The following LRP12 variants were observed in gnomAD, a reference collection of about 807,000 sequenced individuals.
LRP12 encodes LDL receptor related protein 12, also known as low-density lipoprotein receptor-related protein 12.
A neutral mutation model predicts 66.0 loss-of-function variants in LRP12; 14 were observed. The ratio of observed to expected loss-of-function variants is 0.21; its 90% confidence interval spans 0.14 to 0.33. The LOEUF is 0.33. LRP12 is among the 10% of genes least tolerant of loss of function. The pLI is 1.00. For synonymous variants in LRP12, 357 were observed against 359.1 expected, an observed-to-expected ratio of 0.99 and a Z score of 0.07; for missense variants, 889 against 1,053.4, an observed-to-expected ratio of 0.84 and a Z score of 2.16.
chr8:104,536,865 T>C (rs1811399116), intron 1 of LRP12, among the ~76,000 whole-genome samples: 1 of 151,968 alleles, frequency 6.6e-6, no homozygotes, highest in African/African-American at 2.4e-5. Context: ...GGTAGTAGGA[T>C]ATAAAATAAG....
chr8:104,534,436 A>G (rs1036436330), intron 1 of LRP12, among the ~76,000 whole-genome samples: 17 of 152,046 alleles, frequency 1.1e-4, no homozygotes, highest in African/African-American at 4.1e-4. Flanking sequence ...ACAGGCACAG[A>G]TTTCTTTAAA....
Position 104,542,273 on chromosome 8 carries a change from C to T in LRP12, c.80-10310G>A, listed in dbSNP as rs555176606. 3.9e-5 allele frequency among the ~76,000 whole-genome samples: 6 copies of T among 152,280 alleles called. No individual in the cohort carries two copies. The South Asian group carries it at 1.2e-3, about 32-fold the overall frequency. On this transcript the variant is annotated intron_variant, in intron 1 of 6. Transcript: ENST00000276654. The stretch of plus-strand genomic sequence containing the variant: ...AATGTGGCTCTTTTCATGTGCTTAA[C>T]AGCCACTTATGCTATTCTTTGGAGA...
In LRP12 at chr8:104,588,906, C is replaced by G. The variant is rs377067346; in HGVS notation, c.-9G>C. ...CTCCAGCGACAGGCCATAACCACAGCAGATGGAGAGAGAGAGGAGGAGACG... is the reference window on the plus strand; with the variant it reads ...CTCCAGCGACAGGCCATAACCACAGGAGATGGAGAGAGAGAGGAGGAGACG... On this transcript the variant is annotated 5_prime_UTR_variant, in exon 1 of 7. Transcript: ENST00000276654. The G allele has an allele frequency of 1.9e-5, 30 of 1,601,808 alleles. No homozygotes were observed. In the African/African-American group the frequency reaches 3.2e-4, roughly 17 times the overall value.
rs1246325751 is a variant in LRP12 at position 104,588,846 on chromosome 8, G to A, written c.52C>T (p.Leu18Phe). 6.2e-7 allele frequency: 1 copy of A among 1,612,628 alleles called. No individual in the cohort carries two copies. Among genetic ancestry groups the A allele is most frequent in the South Asian group, 1.1e-5 (1 of 90,688 alleles). The change falls in exon 1 of 7, where the codon CTC (leucine) becomes TTC (phenylalanine). Residue 18 changes from leucine (L) to phenylalanine (F), a missense_variant. Physicochemically the swap from Leu to Phe is conservative, Grantham distance 22. Transcript: ENST00000276654. ...TACACCCCAGCGAGGAAAAGCAAGA[G>A]CAACGCAGACCTCCACCGCGGAGAC... Reference protein sequence around the residue: ...KESPRWRSALLLLFLAGVYGN... With the variant: ...KESPRWRSALFLLFLAGVYGN...
rs183148996 is a variant in LRP12, at chr8:104,575,882, C to T, written c.79+12937G>A. Among the ~76,000 whole-genome samples, 399 of 152,162 alleles carry T rather than the reference C, an allele frequency of 2.6e-3. 3 individuals are homozygous for T. The highest frequency in any genetic ancestry group is 9.2e-3 in the African/African-American group (380 of 41,510). ...AAAGAAGCTAAAAATCATGATAAAA[C>T]AACGCTGGAACTGACAGACAACAGC... is the stretch of plus-strand genomic sequence containing the variant. On this transcript the variant is annotated intron_variant, in intron 1 of 6. Transcript: ENST00000276654.
intron 3 of LRP12, chr8:104,504,945 C>T (rs1334020595): frequency 6.6e-6 from 1 of 152,188 alleles, no homozygotes; most frequent in Non-Finnish European, 1.5e-5. Flanking sequence ...AGCTCAATTA[C>T]AATGGATGTT....
rs1812385068 is a variant in LRP12, at chr8:104,588,961, A to ATGACGC, written c.-65_-64insGCGTCA. The stretch of plus-strand genomic sequence containing the variant: ...AGGAGGGAGGAGAAGCTGGAGGTAG[A>ATGACGC]CGACGCCGACGCCGCCGCCGCCGCC... On this transcript the variant is annotated 5_prime_UTR_variant, in exon 1 of 7. Transcript: ENST00000276654. 2 of 972,294 alleles carry ATGACGC rather than the reference A, an allele frequency of 2.1e-6. No individual in the cohort carries two copies. Among genetic ancestry groups the ATGACGC allele is most frequent in the Non-Finnish European group, 2.8e-6 (2 of 705,126 alleles). The allele number at this position is 972,294 out of a possible 1,614,324, so 60.2% of individuals were successfully genotyped here. A position where few individuals can be genotyped will look rare whatever the true frequency, so the allele number is the denominator to read the frequency against.
Position 104,491,264 on chromosome 8 carries a change from A to G in LRP12, c.1989T>C (p.Asp663=). ...CAACCCCACCAGATGCTCCTGCCAT[A>G]TCTCTTCTCTCATTTTCTGTGTCTG... ...DDTDTENERR[D]MAGASGGVAA... is the part of the protein sequence containing the mutation. The change falls in exon 7 of 7, where the codon GAT becomes GAC. Residue 663 remains aspartate, a synonymous_variant. Transcript: ENST00000276654. 1 of 1,614,088 alleles carries G rather than the reference A, an allele frequency of 6.2e-7. No individual in the cohort carries two copies. Among genetic ancestry groups the G allele is most frequent in the Non-Finnish European group, 8.5e-7 (1 of 1,180,026 alleles).
intron 1 of LRP12, among the ~76,000 whole-genome samples, chr8:104,547,509 T>C (rs1351687208): frequency 1.6e-5 from 2 of 124,448 alleles, no homozygotes; most frequent in Non-Finnish European, 3.1e-5. Context: ...TTATATTTTG[T>C]ATATAATATA....
chr8:104,576,449 C>T (rs1457803560), intron 1 of LRP12, among the ~76,000 whole-genome samples: 3 of 152,156 alleles, frequency 2.0e-5, no homozygotes, highest in Admixed American at 2.0e-4. Context: ...CCAGAAGAGA[C>T]TGGGGGCCAA....
intron 1 of LRP12, among the ~76,000 whole-genome samples, chr8:104,559,865 G>C (rs1437414751): frequency 1.3e-5 from 2 of 151,862 alleles, no homozygotes; most frequent in African/African-American, 4.8e-5. Flanking sequence ...TGAAAAAAAA[G>C]AAAAAATATT....
At chr8:104,518,026 A>G (rs1481661677) in intron 2 of LRP12, among the ~76,000 whole-genome samples, 2 of 152,160 alleles carry the variant, frequency 1.3e-5, no homozygotes, top group Non-Finnish European at 2.9e-5. Context: ...TTAGCATAAA[A>G]ATCAGGTACC....
In LRP12 at chr8:104,588,900, C is replaced by G. The variant is rs1267403557; in HGVS notation, c.-3G>C. 6.2e-7 allele frequency: 1 copy of G among 1,606,480 alleles called. No individual in the cohort carries two copies. The highest frequency in any genetic ancestry group is 1.7e-5 in the Admixed American group (1 of 58,784). On this transcript the variant is annotated 5_prime_UTR_variant, in exon 1 of 7. Transcript: ENST00000276654. ...TTTGTGCTCCAGCGACAGGCCATAA[C>G]CACAGCAGATGGAGAGAGAGAGGAG...
chr8:104,533,793 G>A (rs559136070), intron 1 of LRP12, among the ~76,000 whole-genome samples: 21 of 151,970 alleles, frequency 1.4e-4, no homozygotes, highest in Non-Finnish European at 2.4e-4. Context: ...TGGGACTACA[G>A]GAGTGTACTA....
chr8:104,574,851 A>G (rs926059196), intron 1 of LRP12, among the ~76,000 whole-genome samples: 6 of 152,198 alleles, frequency 3.9e-5, no homozygotes, highest in African/African-American at 9.7e-5. Flanking sequence ...AGAAAATTCA[A>G]AACTACATAT....
intron 1 of LRP12, among the ~76,000 whole-genome samples, chr8:104,561,247 G>A (rs1811902545): frequency 1.3e-5 from 2 of 152,166 alleles, no homozygotes; most frequent in Admixed American, 6.5e-5. Flanking sequence ...ATTTGACACA[G>A]GCTCAACATT....
At chr8:104,505,962 C>A (rs1810900538) in intron 3 of LRP12, 1 of 152,114 alleles carries the variant, frequency 6.6e-6, no homozygotes, top group Non-Finnish European at 1.5e-5. Context: ...TTATAAACAA[C>A]AAACCATGAC....
rs1213969183 is a variant in LRP12 at position 104,489,625 on chromosome 8, A to AT, written c.*1047dup. The AT allele has an allele frequency of 6.6e-6, 1 of 152,172 alleles. No individual in the cohort carries two copies. Among genetic ancestry groups the AT allele is most frequent in the Non-Finnish European group, 1.5e-5 (1 of 68,004 alleles). The allele number at this position is 152,172 out of a possible 1,614,324, so 9.4% of individuals were successfully genotyped here. A position where few individuals can be genotyped will look rare whatever the true frequency, so the allele number is the denominator to read the frequency against. On this transcript the variant is annotated 3_prime_UTR_variant, in exon 7 of 7. Transcript: ENST00000276654. ...GAAAAAATCACTCTTACAACAATGT[A>AT]TTTTTTAAATACAACAAATAAATAT...
intron 1 of LRP12, among the ~76,000 whole-genome samples, chr8:104,562,910 T>C (rs1209275625): frequency 6.6e-6 from 1 of 152,188 alleles, no homozygotes; most frequent in Non-Finnish European, 1.5e-5. Flanking sequence ...TGATCTGGCA[T>C]GTCTGGCTCA....
Sources: allele counts gnomAD v4.1 joint callset (sites outside exome capture counted in the v4.1 genomes callset), GRCh38; gene constraint gnomAD v4.1.1; transcripts MANE v1.5; gene names NCBI Gene and HGNC (gene_info 2026-07-23, HGNC 2026-07-21).